The following SIN3A variants were observed in gnomAD, a reference collection of about 807,000 sequenced individuals.
The protein encoded by SIN3A is paired amphipathic helix protein Sin3a.
Under a neutral mutation model 146.1 loss-of-function variants are expected in SIN3A, and 14 were observed. The observed-to-expected ratio is 0.10, with a 90% confidence interval of 0.06 to 0.15. The LOEUF is 0.15. Ranked by LOEUF, SIN3A falls within the 10% of genes least tolerant of loss-of-function variation. The pLI is 1.00. For missense variants in SIN3A, 1,028 were observed against 1,576.0 expected (o/e 0.65, Z 5.89); for synonymous variants, 572 against 572.0 (o/e 1.00, Z 0.00).
intron 6 of SIN3A, among the ~76,000 whole-genome samples, chr15:75,410,588 C>T (rs1293898431): frequency 6.6e-6 from 1 of 151,940 alleles, no homozygotes; most frequent in Non-Finnish European, 1.5e-5. Context: ...AGGCGTGAGA[C>T]ACCATGCCCG....
In SIN3A at chr15:75,381,575, T is replaced by G. The variant is rs776195165; in HGVS notation, c.3288+38A>C. 2.7e-6 allele frequency: 4 copies of G among 1,505,408 alleles called. No individual in the cohort carries two copies. In the Admixed American group the frequency reaches 5.2e-5, roughly 20 times the overall value. The allele number at this position is 1,505,408 out of a possible 1,614,324, so 93.3% of individuals were successfully genotyped here. A position where few individuals can be genotyped will look rare whatever the true frequency, so the allele number is the denominator to read the frequency against. ...ACAGACTCTCAAGGCACGCCAGCTCTGCTTGGCACCTGGGGTCTGTGATGT... is the reference window on the plus strand; with the variant it reads ...ACAGACTCTCAAGGCACGCCAGCTCGGCTTGGCACCTGGGGTCTGTGATGT... On this transcript the variant is annotated intron_variant, in intron 18 of 20. Transcript: ENST00000394947.
intron 1 of SIN3A, among the ~76,000 whole-genome samples, chr15:75,439,779 T>C (rs1467276458): frequency 2.0e-5 from 3 of 152,140 alleles, no homozygotes; most frequent in Non-Finnish European, 4.4e-5. Flanking sequence ...GTCCCTCTCT[T>C]AGGCTTGATC....
chr15:75,429,791 G>GA (rs1405625507), intron 2 of SIN3A, among the ~76,000 whole-genome samples: 2 of 152,142 alleles, frequency 1.3e-5, no homozygotes, highest in African/African-American at 4.8e-5. Context: ...GAATTACAGC[G>GA]ATCTATAAAA....
intron 9 of SIN3A, among the ~76,000 whole-genome samples, chr15:75,404,527 A>T (rs2073471007): frequency 6.6e-6 from 1 of 152,188 alleles, no homozygotes; most frequent in Non-Finnish European, 1.5e-5. Context: ...TTGGGAGGCC[A>T]AGGCAGGCGG....
At position 75,407,060 on chromosome 15, in the gene SIN3A, CA is replaced by C; in HGVS notation, c.1401del (p.Phe467LeufsTer28). Reference sequence around the variant, plus strand: ...CTAACTCATCCATTACTCACCTTATCAAAAAATAACGATTCTGTTCCACCAC... The same window carrying C: ...CTAACTCATCCATTACTCACCTTATCAAAAATAACGATTCTGTTCCACCAC... ...KHGGGTESLF[F>X]DKVRKALRSA... On this transcript the variant is annotated frameshift_variant, in exon 9 of 21. Coordinates refer to ENST00000394947, the MANE Select transcript of SIN3A (RefSeq NM_001145358.2). LOFTEE classifies it high-confidence loss of function. 6.2e-7 allele frequency: 1 copy of C among 1,605,088 alleles called. No homozygotes were observed. Among genetic ancestry groups the C allele is most frequent in the Non-Finnish European group, 8.5e-7 (1 of 1,173,214 alleles).
intron 3 of SIN3A, chr15:75,415,985 G>A (rs1795157627): frequency 2.9e-6 from 1 of 341,636 alleles, no homozygotes; most frequent in Non-Finnish European, 5.7e-6. Context: ...AACAGACCAG[G>A]CACAGAAAGC....
chr15:75,388,189 T>C (rs1453909740), intron 16 of SIN3A: 1 of 152,248 alleles, frequency 6.6e-6, no homozygotes, highest in African/African-American at 2.4e-5. Flanking sequence ...TTTACAAGTT[T>C]TCACTTAAGT....
chr15:75,398,483 C>T (rs1363168091), intron 12 of SIN3A, among the ~76,000 whole-genome samples: 1 of 152,000 alleles, frequency 6.6e-6, no homozygotes, highest in African/African-American at 2.4e-5. Flanking sequence ...CAAGACCAGC[C>T]TGGTCAACAT....
intron 17 of SIN3A, among the ~76,000 whole-genome samples, chr15:75,383,090 G>A (rs1026501913): frequency 8.0e-5 from 12 of 150,850 alleles, no homozygotes; most frequent in African/African-American, 2.9e-4. Flanking sequence ...TGGACAACAA[G>A]AGTGAGCCTC....
intron 2 of SIN3A, among the ~76,000 whole-genome samples, chr15:75,424,773 T>A (rs1351376246): frequency 6.6e-6 from 1 of 152,214 alleles, no homozygotes; most frequent in Non-Finnish European, 1.5e-5. Flanking sequence ...GTGCCCAGCC[T>A]GTAACTTTCA....
At chr15:75,440,241 T>A (rs1257013146) in intron 1 of SIN3A, among the ~76,000 whole-genome samples, 2 of 151,988 alleles carry the variant, frequency 1.3e-5, no homozygotes, top group African/African-American at 4.8e-5. Flanking sequence ...AAATTTGTTT[T>A]TTTTTTTGAG....
chr15:75,440,663 C>T (rs991559023), intron 1 of SIN3A, among the ~76,000 whole-genome samples: 1 of 152,062 alleles, frequency 6.6e-6, no homozygotes, highest in African/African-American at 2.4e-5. Context: ...TGGAACACAG[C>T]CATTCTATAA....
chr15:75,410,003 A>G lies in SIN3A; in HGVS notation c.1162-12T>C, dbSNP rs2073600602. The G allele has an allele frequency of 6.2e-7, 1 of 1,613,652 alleles. No homozygotes were observed. Among genetic ancestry groups the G allele is most frequent in the Non-Finnish European group, 8.5e-7 (1 of 1,179,714 alleles). ...GTTTTGCTTAAAAGCTGATTAAGAC[A>G]CATGAATGAGATTAATGCTCTTATC... On this transcript the variant is annotated splice_polypyrimidine_tract_variant and intron_variant, in intron 7 of 20. Coordinates refer to ENST00000394947, the MANE Select transcript of SIN3A (RefSeq NM_001145358.2).
chr15:75,411,836 T>C lies in SIN3A; in HGVS notation c.757-93A>G, dbSNP rs74453047. ...TAAAGAGAAACAAGGTGTCAACGTA[T>C]ATCCTTTATTTACTCACTCAGGCCA... On this transcript the variant is annotated intron_variant, in intron 5 of 20. Transcript: ENST00000394947. 92 of 1,355,020 alleles carry C rather than the reference T, an allele frequency of 6.8e-5. No individual in the cohort carries two copies. The African/African-American group carries it at 1.2e-3, about 18-fold the overall frequency. The allele number at this position is 1,355,020 out of a possible 1,614,324, so 83.9% of individuals were successfully genotyped here.
At chr15:75,448,996 G>A (rs1422959180) in intron 1 of SIN3A, among the ~76,000 whole-genome samples, 4 of 152,296 alleles carry the variant, frequency 2.6e-5, no homozygotes, top group African/African-American at 9.6e-5. Flanking sequence ...ATTATCTGGA[G>A]ATTATGAAGC....
intron 19 of SIN3A, 29 bp from the exon 20 acceptor site, chr15:75,375,901 A>G (rs1009645328): frequency 1.2e-6 from 2 of 1,610,050 alleles, no homozygotes; most frequent in African/African-American, 1.3e-5. Flanking sequence ...GGAGGATGAG[A>G]GCTCGTCCAG....
chr15:75,382,277 T>C (rs1472983012), intron 17 of SIN3A, among the ~76,000 whole-genome samples: 1 of 152,224 alleles, frequency 6.6e-6, no homozygotes, highest in Non-Finnish European at 1.5e-5. Context: ...TTTTAAAGCT[T>C]TAAAAATTGC....
chr15:75,441,813 T>A (rs80319944), intron 1 of SIN3A, among the ~76,000 whole-genome samples: 30,853 of 151,942 alleles, frequency 0.2, 3,548 homozygotes, highest in Non-Finnish European at 0.26. Context: ...TTTAGACTAA[T>A]AAATGTCAAT....
intron 20 of SIN3A, among the ~76,000 whole-genome samples, chr15:75,375,030 T>A (rs1339595628): frequency 6.6e-6 from 1 of 152,136 alleles, no homozygotes; most frequent in Non-Finnish European, 1.5e-5. Context: ...AAGCAAAAGA[T>A]CAGATACTAC....
Sources: allele counts gnomAD v4.1 joint callset (sites outside exome capture counted in the v4.1 genomes callset), GRCh38; gene constraint gnomAD v4.1.1; transcripts MANE v1.5; gene names NCBI Gene and HGNC (gene_info 2026-07-23, HGNC 2026-07-21).